The following SDCCAG8 variants were observed in gnomAD, a reference collection of about 807,000 sequenced individuals.
SDCCAG8 encodes the protein SHH signaling and ciliogenesis regulator SDCCAG8.
A neutral mutation model predicts 101.8 loss-of-function variants in SDCCAG8; 74 were observed. The observed-to-expected ratio is 0.73, with a 90% CI of 0.60 to 0.88. The LOEUF is 0.88. Among genes scored for constraint, SDCCAG8 ranks in the 40% least tolerant of loss-of-function variants. The pLI, the probability that SDCCAG8 is intolerant of heterozygous loss-of-function variation, is 0.00. For synonymous variants in SDCCAG8, 281 were observed against 292.9 expected, an observed-to-expected ratio of 0.96 and a Z score of 0.41; for missense variants, 787 against 822.6, an observed-to-expected ratio of 0.96 and a Z score of 0.53.
At chr1:243,447,793 A>G (rs986648601) in intron 16 of SDCCAG8, among the ~76,000 whole-genome samples, 2 of 152,238 alleles carry the variant, frequency 1.3e-5, no homozygotes, top group African/African-American at 2.4e-5. Flanking sequence ...TTCAAATAAT[A>G]TAAATAAAAA....
intron 16 of SDCCAG8, among the ~76,000 whole-genome samples, chr1:243,479,944 G>A (rs1406155982): frequency 2.1e-5 from 3 of 139,880 alleles, no homozygotes; most frequent in East Asian, 2.5e-4. Context: ...CACCCTCAGA[G>A]TTGATGGTTC....
intron 6 of SDCCAG8, chr1:243,293,552 G>C: frequency 2.1e-6 from 1 of 466,186 alleles, no homozygotes; most frequent in Non-Finnish European, 4.2e-6. Flanking sequence ...AACAATACTT[G>C]TCCTTTTGTG....
At chr1:243,341,003 G>T (rs1301168197) in intron 10 of SDCCAG8, 36 bp from the exon 11 acceptor site, 6 of 1,601,782 alleles carry the variant, frequency 3.7e-6, no homozygotes, top group African/African-American at 2.7e-5. Flanking sequence ...TTTGTCAAAT[G>T]ACATTATTGT....
intron 17 of SDCCAG8, among the ~76,000 whole-genome samples, chr1:243,495,341 T>A (rs187291787): frequency 6.6e-6 from 1 of 152,294 alleles, no homozygotes; most frequent in East Asian, 1.9e-4. Context: ...TGGATACCTT[T>A]CCATTCCTCT....
chr1:243,399,462 A>G (rs73118397), intron 13 of SDCCAG8, among the ~76,000 whole-genome samples: 1,564 of 152,278 alleles, frequency 0.01, 33 homozygotes, highest in African/African-American at 0.036. Context: ...GCTTGCAAAC[A>G]GTAATTACGA....
At chr1:243,320,853 C>T (rs564739047) in intron 9 of SDCCAG8, among the ~76,000 whole-genome samples, 2 of 152,288 alleles carry the variant, frequency 1.3e-5, no homozygotes, top group South Asian at 4.1e-4. Flanking sequence ...TTGTATGTGC[C>T]ATGTGCATTC....
intron 13 of SDCCAG8, among the ~76,000 whole-genome samples, chr1:243,410,542 G>A (rs778234874): frequency 6.6e-6 from 1 of 152,092 alleles, no homozygotes; most frequent in Non-Finnish European, 1.5e-5. Context: ...GTCTCACATT[G>A]GAACTTCAGA....
Position 243,341,063 on chromosome 1 carries a change from G to T in SDCCAG8, c.1246G>T (p.Ala416Ser). The change falls in exon 11 of 18, where the codon GCC becomes TCC. Residue 416 changes from alanine to serine, a missense_variant. Coordinates refer to ENST00000366541, the MANE Select transcript of SDCCAG8 (RefSeq NM_006642.5). ...SKMLILSQNI[A>S]QLEAQVEKVT... ...GATGTTGATCTTGTCTCAGAATATT[G>T]CCCAACTGGAGGCCCAGGTGGAAAA... 6.2e-7 allele frequency: 1 copy of T among 1,613,334 alleles called. No homozygotes were observed. The highest frequency in any genetic ancestry group is 1.1e-5 in the South Asian group (1 of 91,060).
Position 243,458,714 on chromosome 1 carries a change from T to G in SDCCAG8, c.1986-30300T>G, listed in dbSNP as rs1282598536. Among the ~76,000 whole-genome samples, 1 of 152,220 alleles carries G rather than the reference T, an allele frequency of 6.6e-6. No individual in the cohort carries two copies. Among genetic ancestry groups the G allele is most frequent in the Non-Finnish European group, 1.5e-5 (1 of 68,042 alleles). ...GAAGGGATGCTGATTTGAAGAATCT[T>G]AGCAATATTTTAGCTCCCATAATAG... On this transcript the variant is annotated intron_variant, in intron 16 of 17. Transcript: ENST00000366541. The surrounding 1 kb of genome is among the most constrained non-coding windows in gnomAD (Gnocchi z 4.5).
At chr1:243,451,379 A>G (rs2997494) in intron 16 of SDCCAG8, among the ~76,000 whole-genome samples, 141,834 of 152,318 alleles carry the variant, frequency 0.93, 66,169 homozygotes, top group African/African-American at 0.99. Context: ...CCCCTCCATA[A>G]TCCTTTCCTG....
chr1:243,444,343 C>T (rs1558477833), intron 16 of SDCCAG8, among the ~76,000 whole-genome samples: 2 of 150,460 alleles, frequency 1.3e-5, no homozygotes, highest in African/African-American at 4.9e-5. Context: ...AGTTCTGTTG[C>T]GGCACTAAAG....
chr1:243,495,611 G>A (rs1365652694), intron 17 of SDCCAG8, among the ~76,000 whole-genome samples: 3 of 152,206 alleles, frequency 2.0e-5, no homozygotes, highest in Non-Finnish European at 4.4e-5. Flanking sequence ...GAGAACTTCA[G>A]TCGCTGTGCT....
At chr1:243,284,934 G>A (rs1050750942) in intron 4 of SDCCAG8, among the ~76,000 whole-genome samples, 4 of 152,072 alleles carry the variant, frequency 2.6e-5, no homozygotes, top group South Asian at 4.2e-4. Flanking sequence ...CCAGGCTGGA[G>A]TGCAGTGGCG....
chr1:243,320,015 C>G (rs1482380707), intron 9 of SDCCAG8, among the ~76,000 whole-genome samples: 1 of 152,076 alleles, frequency 6.6e-6, no homozygotes, highest in African/African-American at 2.4e-5. Context: ...TCTTTTCTTC[C>G]CATTTAAACA....
intron 16 of SDCCAG8, among the ~76,000 whole-genome samples, chr1:243,451,315 C>T (rs2083338283): frequency 6.6e-6 from 1 of 152,202 alleles, no homozygotes; most frequent in Admixed American, 6.5e-5. Context: ...GGAAAACATT[C>T]ATGCCATACC....
intron 12 of SDCCAG8, among the ~76,000 whole-genome samples, chr1:243,372,954 C>A (rs369460646): frequency 5.3e-5 from 7 of 131,732 alleles, no homozygotes; most frequent in East Asian, 2.2e-4. Flanking sequence ...CTATATCTAT[C>A]TATATATATA....
intron 12 of SDCCAG8, among the ~76,000 whole-genome samples, chr1:243,371,066 G>A (rs996893313): frequency 6.6e-6 from 1 of 152,086 alleles, no homozygotes; most frequent in African/African-American, 2.4e-5. Flanking sequence ...CTGCAGAAAT[G>A]CTTCTTCAGA....
chr1:243,400,325 G>A (rs531267824), intron 13 of SDCCAG8, among the ~76,000 whole-genome samples: 1 of 152,260 alleles, frequency 6.6e-6, no homozygotes, highest in East Asian at 1.9e-4. Context: ...TACACTTGGG[G>A]AAAAACTGAA....
chr1:243,350,339 G>T (rs1016496947), intron 12 of SDCCAG8, among the ~76,000 whole-genome samples: 3 of 151,952 alleles, frequency 2.0e-5, no homozygotes, highest in African/African-American at 7.3e-5. Context: ...CTCCCAAGTA[G>T]CTGGGACTAT....
Sources: allele counts gnomAD v4.1 joint callset (sites outside exome capture counted in the v4.1 genomes callset), GRCh38; gene constraint gnomAD v4.1.1; non-coding constraint Gnocchi (gnomAD v3.1); transcripts MANE v1.5; gene names NCBI Gene and HGNC (gene_info 2026-07-23, HGNC 2026-07-21).